PVT1: variants seen among roughly 807,000 people sequenced by gnomAD.
PVT1 encodes Pvt1 oncogene, also known as CXCR4/PVT1 fusion.
chr8:128,087,960 T>C (rs1814280401), intron 5 of PVT1, among the ~76,000 whole-genome samples: 1 of 152,040 alleles, frequency 6.6e-6, no homozygotes, highest in Non-Finnish European at 1.5e-5. Flanking sequence ...GGTTTCACCA[T>C]GTTGTCCAGG....
At chr8:127,868,770 CATAT>C (rs869296227) in intron 2 of PVT1, among the ~76,000 whole-genome samples, 4 of 502 alleles carry the variant, frequency 8.0e-3, no homozygotes, top group African/African-American at 0.011. Context: ...TTCCTTTTAA[CATAT>C]ATATATATAT....
At chr8:128,002,999 T>C (rs1184281101) in intron 4 of PVT1, among the ~76,000 whole-genome samples, 1 of 122,902 alleles carries the variant, frequency 8.1e-6, no homozygotes, top group African/African-American at 2.9e-5. Context: ...CTTCCTCCCT[T>C]CTTTTTTCTT....
chr8:127,803,909 C>CG (rs1814498150), intron 2 of PVT1, among the ~76,000 whole-genome samples: 3 of 151,950 alleles, frequency 2.0e-5, no homozygotes, highest in Admixed American at 2.0e-4. Flanking sequence ...TTAGCAGAGA[C>CG]GGGGTTTCAC....
chr8:128,083,916 A>G (rs1276613444), intron 5 of PVT1, among the ~76,000 whole-genome samples: 2 of 152,290 alleles, frequency 1.3e-5, no homozygotes, highest in African/African-American at 2.4e-5. Flanking sequence ...TACCTTGTTC[A>G]TGAGTTTAAA....
intron 3 of PVT1, among the ~76,000 whole-genome samples, chr8:127,984,380 A>T (rs928712154): frequency 6.6e-6 from 1 of 152,186 alleles, no homozygotes; most frequent in African/African-American, 2.4e-5. Context: ...GTGGTTTGTC[A>T]ATAGTCACAT....
intron 3 of PVT1, among the ~76,000 whole-genome samples, chr8:127,913,093 G>A (rs1020985229): frequency 6.6e-6 from 1 of 151,578 alleles, no homozygotes; most frequent in South Asian, 2.1e-4. Context: ...CAAGTGATCC[G>A]CTTGCCTCGG....
At position 127,879,579 on chromosome 8, in the gene PVT1, G is replaced by A. The variant is rs114591716; in HGVS notation, n.373-11010G>A. On this transcript the variant is annotated intron_variant and non_coding_transcript_variant, in intron 2 of 10. Coordinates refer to ENST00000651587, the Ensembl canonical transcript of PVT1. ...ACAAACAAAAAAGAACAAAGTCTCC[G>A]GAGGCAGTGCCTGGGCTCGTATCCT... is the stretch of plus-strand genomic sequence containing the variant. Among the ~76,000 whole-genome samples, 861 of 152,178 alleles carry A rather than the reference G, an allele frequency of 5.7e-3. 19 individuals are homozygous for A. In the East Asian group the frequency reaches 0.07, roughly 12 times the overall value.
intron 3 of PVT1, among the ~76,000 whole-genome samples, chr8:127,896,904 T>G (rs1319962372): frequency 6.6e-6 from 1 of 152,020 alleles, no homozygotes; most frequent in Non-Finnish European, 1.5e-5. Context: ...AGCTATCTAG[T>G]GTTTGCTCTC....
intron 3 of PVT1, among the ~76,000 whole-genome samples, chr8:127,933,323 C>T (rs944751623): frequency 1.3e-5 from 2 of 152,216 alleles, no homozygotes; most frequent in African/African-American, 4.8e-5. Context: ...GATCCACCTG[C>T]CTTGGCCTCC....
At chr8:128,088,272 G>T (rs975883732) in intron 5 of PVT1, among the ~76,000 whole-genome samples, 1 of 152,176 alleles carries the variant, frequency 6.6e-6, no homozygotes, top group Non-Finnish European at 1.5e-5. Flanking sequence ...TCTCGTGAAA[G>T]CCCATGGGCT....
chr8:127,977,090 C>T (rs1816830324), intron 3 of PVT1, among the ~76,000 whole-genome samples: 2 of 152,190 alleles, frequency 1.3e-5, no homozygotes, highest in Admixed American at 6.5e-5. Context: ...GTGATTTTCC[C>T]AAGCAAACTT....
intron 2 of PVT1, among the ~76,000 whole-genome samples, chr8:127,881,994 C>G (rs575781049): frequency 6.6e-6 from 1 of 152,374 alleles, no homozygotes; most frequent in East Asian, 1.9e-4. Context: ...CCCGCCTCCA[C>G]CTTCCAAAGT....
chr8:127,954,849 T>C (rs1816550514), intron 3 of PVT1, among the ~76,000 whole-genome samples: 2 of 152,208 alleles, frequency 1.3e-5, no homozygotes, highest in South Asian at 4.1e-4. Flanking sequence ...GCCAGCGCTT[T>C]CTGTGTGCTG....
intron 4 of PVT1, among the ~76,000 whole-genome samples, chr8:128,032,497 C>T (rs1388962931): frequency 6.6e-6 from 1 of 152,254 alleles, no homozygotes; most frequent in African/African-American, 2.4e-5. Context: ...TATTTCATTT[C>T]ATCTCATCAG....
At chr8:128,030,578 T>C (rs1813376350) in intron 4 of PVT1, among the ~76,000 whole-genome samples, 1 of 152,202 alleles carries the variant, frequency 6.6e-6, no homozygotes, top group Non-Finnish European at 1.5e-5. Context: ...ACAGCTGACA[T>C]CCAGAAGCTT....
chr8:127,840,133 T>C (rs1586401692), intron 2 of PVT1, among the ~76,000 whole-genome samples: 2 of 151,946 alleles, frequency 1.3e-5, no homozygotes, highest in Non-Finnish European at 2.9e-5. Context: ...GAGGCCGGGG[T>C]CCACACTACA....
At chr8:127,984,848 T>TCTTTC (rs1816928389) in intron 3 of PVT1, among the ~76,000 whole-genome samples, 1 of 20,466 alleles carries the variant, frequency 4.9e-5, no homozygotes, top group African/African-American at 1.3e-4. Context: ...TTTCTTTCTT[T>TCTTTC]CTTTCTTTCT....
At chr8:127,919,958 C>A (rs933607183) in intron 3 of PVT1, among the ~76,000 whole-genome samples, 15 of 152,130 alleles carry the variant, frequency 9.9e-5, no homozygotes, top group Admixed American at 9.8e-4. Context: ...CATCTATAGG[C>A]GGAGTTAAAT....
intron 3 of PVT1, among the ~76,000 whole-genome samples, chr8:127,985,965 C>T (rs1234409625): frequency 1.3e-5 from 2 of 152,182 alleles, no homozygotes; most frequent in African/African-American, 4.8e-5. Flanking sequence ...CCAGTTGGCC[C>T]CACTGCCTGG....
Sources: allele counts gnomAD v4.1 joint callset (sites outside exome capture counted in the v4.1 genomes callset), GRCh38; gene constraint gnomAD v4.1.1; transcripts MANE v1.5; gene names NCBI Gene and HGNC (gene_info 2026-07-23, HGNC 2026-07-21).